ZNRF3: variants seen among roughly 807,000 people sequenced by gnomAD.
ZNRF3 encodes the protein E3 ubiquitin-protein ligase ZNRF3.
ZNRF3 carries 23 observed loss-of-function variants against 72.5 expected under a neutral mutation model. The observed-to-expected ratio is 0.32, with a 90% CI of 0.23 to 0.45. ZNRF3 has a LOEUF of 0.45. ZNRF3 is among the 20% of genes least tolerant of loss of function. The pLI is 1.00. For missense variants in ZNRF3, 1,169 were observed against 1,272.1 expected (o/e 0.92, Z 1.23); for synonymous variants, 610 against 545.3 (o/e 1.12, Z -1.65).
At position 29,050,294 on chromosome 22, in the gene ZNRF3, C is replaced by A; in HGVS notation, c.2113C>A (p.His705Asn). Residue 705 changes from histidine (H) to asparagine (N), a missense_variant, in exon 8 of 9, where the codon CAC becomes AAC. Physicochemically the swap from His to Asn is moderately conservative, Grantham distance 68. This residue lies in a region of ZNRF3 where 783 missense variants were observed against 731.4 expected (regional missense o/e 1.07). Transcript: ENST00000544604. ...CCTCAGGAGGACCTGGAAGGGGGGC[C>A]ACGAGTTGCCGTCGTGTGCCTGCTG... ...PDLRRTWKGG[H>N]ELPSCACCCE... The A allele has an allele frequency of 6.3e-7, 1 of 1,597,796 alleles. No homozygotes were observed.
chr22:28,996,461 T>C (rs2036047084), intron 2 of ZNRF3, among the ~76,000 whole-genome samples: 1 of 152,182 alleles, frequency 6.6e-6, no homozygotes, highest in Non-Finnish European at 1.5e-5. Context: ...GTTCTTGGGG[T>C]TCTTAATCAT....
intron 2 of ZNRF3, among the ~76,000 whole-genome samples, chr22:29,034,005 A>G (rs1601693249): frequency 1.3e-5 from 2 of 152,210 alleles, no homozygotes; most frequent in Non-Finnish European, 2.9e-5. Flanking sequence ...CTCTGGTGCC[A>G]TTTTGGATTC....
intron 1 of ZNRF3, among the ~76,000 whole-genome samples, chr22:28,891,181 A>G (rs2033879037): frequency 6.6e-6 from 1 of 152,206 alleles, no homozygotes; most frequent in Non-Finnish European, 1.5e-5. Context: ...TAGAAAGGAG[A>G]CTGAAATCCA....
At chr22:28,909,375 G>T (rs1172572299) in intron 1 of ZNRF3, among the ~76,000 whole-genome samples, 5 of 152,090 alleles carry the variant, frequency 3.3e-5, no homozygotes, top group African/African-American at 1.2e-4. Flanking sequence ...CTGGGGGCGT[G>T]TTGGGCCTGT....
chr22:28,923,703 C>T lies in ZNRF3; in HGVS notation c.300+39637C>T, dbSNP rs375270940. On this transcript the variant is annotated intron_variant, in intron 1 of 8. Transcript: ENST00000544604. Reference sequence around the variant, plus strand: ...AAGCCAGCCATATCATTTCCCTGCCCGTAAATATTTCTAAAATATCTATAA... The same window carrying T: ...AAGCCAGCCATATCATTTCCCTGCCTGTAAATATTTCTAAAATATCTATAA... Among the ~76,000 whole-genome samples, 98 of 152,084 alleles carry T rather than the reference C, an allele frequency of 6.4e-4. 3 individuals carry two copies. The South Asian group carries it at 0.011, about 17-fold the overall frequency.
intron 1 of ZNRF3, among the ~76,000 whole-genome samples, chr22:28,980,839 C>T (rs1283294997): frequency 2.0e-5 from 3 of 152,090 alleles, no homozygotes; most frequent in African/African-American, 7.2e-5. Flanking sequence ...CTAGGGTTTC[C>T]ATGTCTATTT....
intron 1 of ZNRF3, among the ~76,000 whole-genome samples, chr22:28,958,397 T>C (rs1280074031): frequency 1.3e-5 from 2 of 151,994 alleles, no homozygotes. Flanking sequence ...CTCCCCTCCT[T>C]TAGGGGAGGG....
intron 1 of ZNRF3, among the ~76,000 whole-genome samples, chr22:28,938,781 G>C (rs73881200): frequency 0.028 from 4,276 of 152,202 alleles, 211 homozygotes; most frequent in African/African-American, 0.099. Flanking sequence ...TATGTGATAA[G>C]TATTACATTA....
chr22:28,990,576 T>C (rs1357349121), intron 2 of ZNRF3, among the ~76,000 whole-genome samples: 2 of 151,964 alleles, frequency 1.3e-5, no homozygotes, highest in Admixed American at 6.6e-5. Flanking sequence ...TCCATCTGCT[T>C]GGGAGTCTGA....
In ZNRF3 at chr22:28,933,775, CTCT is replaced by C. The variant is rs1569251172; in HGVS notation, c.300+49710_300+49712del. Among the ~76,000 whole-genome samples, 989 of 132,036 alleles carry C rather than the reference CTCT, an allele frequency of 7.5e-3. 22 individuals are homozygous for C. Among genetic ancestry groups the C allele is most frequent in the African/African-American group, 0.027 (949 of 34,886 alleles). 86.6% of individuals were successfully genotyped at this position (132,036 alleles called of 152,430 possible). A position where few individuals can be genotyped will look rare whatever the true frequency, so the allele number is the denominator to read the frequency against. ...TCACTCTCTCTCTCTCTCTCTCTCT[CTCT>C]CCCCTCCCTCCTCCCTCCTCCCCCT... On this transcript the variant is annotated intron_variant, in intron 1 of 8. Transcript: ENST00000544604.
At chr22:29,025,564 C>CTTT (rs201290663) in intron 2 of ZNRF3, 4 of 147,398 alleles carry the variant, frequency 2.7e-5, no homozygotes, top group Non-Finnish European at 4.5e-5. Context: ...CTCTTTCTTT[C>CTTT]TTTTTTTTTT....
intron 2 of ZNRF3, among the ~76,000 whole-genome samples, chr22:29,022,350 A>C (rs76221453): frequency 0.011 from 1,684 of 152,016 alleles, 39 homozygotes; most frequent in African/African-American, 0.039. Context: ...CCCAAACCTA[A>C]CCTCCTCTTG....
intron 1 of ZNRF3, among the ~76,000 whole-genome samples, chr22:28,892,408 T>C (rs944287580): frequency 5.9e-5 from 9 of 152,238 alleles, no homozygotes; most frequent in Non-Finnish European, 1.2e-4. Flanking sequence ...GTGCTAAGTT[T>C]AGACCTGTCT....
chr22:28,922,850 T>G (rs1313342120), intron 1 of ZNRF3, among the ~76,000 whole-genome samples: 1 of 152,202 alleles, frequency 6.6e-6, no homozygotes, highest in African/African-American at 2.4e-5. Flanking sequence ...TCTTAGCATT[T>G]TTTTCTTTTC....
intron 1 of ZNRF3, among the ~76,000 whole-genome samples, chr22:28,937,173 TAATATA>T (rs2034836004): frequency 1.0e-5 from 1 of 95,514 alleles, no homozygotes; most frequent in African/African-American, 5.6e-5. Context: ...TTCTCTCTTA[TAATATA>T]TATATATATA....
chr22:29,031,216 T>C (rs1569288769), intron 2 of ZNRF3: 3 of 152,120 alleles, frequency 2.0e-5, no homozygotes, highest in Admixed American at 6.5e-5. Context: ...AAACCAGATA[T>C]TTTTTTAAAG....
intron 1 of ZNRF3, among the ~76,000 whole-genome samples, chr22:28,916,087 G>A (rs576037649): frequency 6.6e-5 from 10 of 151,864 alleles, no homozygotes; most frequent in Non-Finnish European, 1.5e-4. Flanking sequence ...TTTGAGATGG[G>A]GTCTTGCTCT....
chr22:28,982,566 T>TAA (rs57062209), intron 1 of ZNRF3, among the ~76,000 whole-genome samples: 4 of 137,630 alleles, frequency 2.9e-5, no homozygotes, highest in African/African-American at 5.3e-5. Context: ...ACCCTGCCTT[T>TAA]AAAAAAAAAA....
intron 1 of ZNRF3, among the ~76,000 whole-genome samples, chr22:28,895,210 GGCC>G (rs2033968614): frequency 1.3e-5 from 2 of 152,216 alleles, no homozygotes; most frequent in Non-Finnish European, 2.9e-5. Context: ...TACTGAGGAA[GGCC>G]CAGCTACCCT....
Sources: gnomAD v4.1 joint callset for allele counts (sites outside exome capture counted in the v4.1 genomes callset) on GRCh38, gnomAD v4.1.1 for gene constraint, gnomAD v4.1.1 regional missense constraint, MANE v1.5 for transcripts, NCBI Gene and HGNC (gene_info 2026-07-23, HGNC 2026-07-21) for gene names.